USP28: variants seen among roughly 807,000 people sequenced by gnomAD.
USP28 encodes ubiquitin carboxyl-terminal hydrolase 28.
In USP28, 113 loss-of-function variants were observed where a neutral mutation model predicts 145.0. The observed-to-expected ratio is 0.78, with a 90% CI of 0.67 to 0.91. The LOEUF is 0.91. USP28 is among the 40% of genes least tolerant of loss of function. USP28 has a pLI of 0.00. For synonymous variants in USP28, 447 were observed against 450.9 expected, an observed-to-expected ratio of 0.99 and a Z score of 0.11; for missense variants, 1,201 against 1,289.6, an observed-to-expected ratio of 0.93 and a Z score of 1.05.
At chr11:113,817,922 C>G in intron 12 of USP28, 85 bp from the exon 13 acceptor site, 1 of 1,416,020 alleles carries the variant, frequency 7.1e-7, no homozygotes, top group Non-Finnish European at 9.8e-7. Context: ...TTTATCACAG[C>G]AAGTCAATGG....
At chr11:113,840,546 A>G (rs867309158) in intron 5 of USP28, 52 bp downstream of exon 5, 12 of 1,572,360 alleles carry the variant, frequency 7.6e-6, no homozygotes, top group African/African-American at 2.8e-5. Flanking sequence ...TCAGTTTAAT[A>G]AATTACAAAG....
At position 113,866,229 on chromosome 11, in the gene USP28, T is replaced by G. The variant is rs74766967; in HGVS notation, c.57+9216A>C. On this transcript the variant is annotated intron_variant, in intron 1 of 24. Transcript: ENST00000003302. ...ATCACTTGAACCCAGGAGGCAGAGG[T>G]TGCAGTGAGCCGAGATCAGACCACT... Among the ~76,000 whole-genome samples, 169 of 152,074 alleles carry G rather than the reference T, an allele frequency of 1.1e-3. 3 individuals are homozygous for G. The East Asian group carries it at 0.031, about 28-fold the overall frequency.
intron 13 of USP28, among the ~76,000 whole-genome samples, chr11:113,816,691 A>T (rs1941792546): frequency 6.6e-6 from 1 of 152,186 alleles, no homozygotes; most frequent in Admixed American, 6.5e-5. Context: ...CCTCCCTGTA[A>T]TTTTTAAATC....
exon 11 of USP28, chr11:113,827,241 A>G (rs1366876388): frequency 1.2e-6 from 2 of 1,605,466 alleles, no homozygotes; most frequent in South Asian, 2.3e-5. Flanking sequence ...ACCTGTCCAT[A>G]TAAATAATCT....
intron 19 of USP28, among the ~76,000 whole-genome samples, chr11:113,806,244 AT>A (rs1939936742): frequency 6.6e-6 from 1 of 151,782 alleles, no homozygotes; most frequent in Non-Finnish European, 1.5e-5. Flanking sequence ...AGTCCTTTTT[AT>A]TTTTAAAGAG....
At chr11:113,856,453 T>C (rs1191745115) in intron 1 of USP28, among the ~76,000 whole-genome samples, 1 of 152,186 alleles carries the variant, frequency 6.6e-6, no homozygotes, top group African/African-American at 2.4e-5. Flanking sequence ...ACTGCTTACT[T>C]TTAGCCAGGT....
At chr11:113,847,880 G>A (rs1442785074) in intron 3 of USP28, among the ~76,000 whole-genome samples, 2 of 152,174 alleles carry the variant, frequency 1.3e-5, no homozygotes, top group Admixed American at 1.3e-4. Flanking sequence ...CACCCCTTCA[G>A]TGTGGACCCC....
chr11:113,838,680 T>G (rs1944855574), intron 5 of USP28, among the ~76,000 whole-genome samples: 1 of 152,208 alleles, frequency 6.6e-6, no homozygotes, highest in Non-Finnish European at 1.5e-5. Context: ...CTCTGCCCTC[T>G]CCAGCTGAAC....
At chr11:113,818,104 A>T in intron 12 of USP28, 1 of 350,596 alleles carries the variant, frequency 2.9e-6, no homozygotes, top group Non-Finnish European at 5.1e-6. Context: ...ACACTTTCTC[A>T]TGATGTCATA....
intron 1 of USP28, among the ~76,000 whole-genome samples, chr11:113,854,930 G>A (rs1946881685): frequency 6.6e-6 from 1 of 152,042 alleles, no homozygotes; most frequent in African/African-American, 2.4e-5. Flanking sequence ...TTTTCTTTTG[G>A]TAGGCAGTGC....
At chr11:113,810,694 G>T (rs1440222649) in intron 16 of USP28, among the ~76,000 whole-genome samples, 1 of 151,856 alleles carries the variant, frequency 6.6e-6, no homozygotes, top group Non-Finnish European at 1.5e-5. Flanking sequence ...TGTTTTTTTT[G>T]AGACAAAGTC....
chr11:113,798,065 GGTTT>G (rs1938243419), exon 25 of USP28: 1 of 96,976 alleles, frequency 1.0e-5, no homozygotes, highest in African/African-American at 3.6e-5. Flanking sequence ...TATGTATGCT[GGTTT>G]TTTTTTTTTT....
intron 1 of USP28, among the ~76,000 whole-genome samples, chr11:113,872,822 G>C (rs558927834): frequency 6.6e-6 from 1 of 152,156 alleles, no homozygotes; most frequent in Non-Finnish European, 1.5e-5. Flanking sequence ...TAAAATACAG[G>C]AATCTGTCAC....
Position 113,875,429 on chromosome 11 carries a change from C to T in USP28, c.57+16G>A. On this transcript the variant is annotated intron_variant, in intron 1 of 24. Transcript: ENST00000003302. ...GGAGCCCGCCCCCAGCTCCCGCTCG[C>T]CGCCGCGGAGCCCACCGAGCCGTGG... 2 of 1,243,688 alleles carry T rather than the reference C, an allele frequency of 1.6e-6. No individual in the cohort carries two copies. Among genetic ancestry groups the T allele is most frequent in the East Asian group, 3.9e-5 (1 of 25,604 alleles). 77.0% of individuals were successfully genotyped at this position (1,243,688 alleles called of 1,614,324 possible). A position where few individuals can be genotyped will look rare whatever the true frequency, so the allele number is the denominator to read the frequency against.
intron 12 of USP28, among the ~76,000 whole-genome samples, chr11:113,819,196 TCTGCCTCCTGGGTTCAAGCAATTGTC>T (rs1174659908): frequency 1.3e-5 from 2 of 151,450 alleles, no homozygotes; most frequent in East Asian, 3.9e-4. Context: ...TACTGCAACC[TCTGCCTCCTGGGTTCAAGCAATTGTC>T]CTGCCTCAGC....
chr11:113,831,502 GTT>G (rs974395803), intron 8 of USP28, among the ~76,000 whole-genome samples: 1 of 152,062 alleles, frequency 6.6e-6, no homozygotes, highest in Non-Finnish European at 1.5e-5. Flanking sequence ...CGTGCCCTAA[GTT>G]TCACTTCTCT....
At chr11:113,865,667 C>T (rs949430974) in intron 1 of USP28, among the ~76,000 whole-genome samples, 1 of 152,146 alleles carries the variant, frequency 6.6e-6, no homozygotes, top group Non-Finnish European at 1.5e-5. Context: ...CACTGGACCC[C>T]TACCTCACAC....
rs1349370335 is a variant in USP28, at chr11:113,812,260, GCCAAGATA to G, written c.1972+8_1972+15del. ...AGATTTTCCCCAATCTATAGATTCT[GCCAAGATA>G]CTTTTACCTGCATTGAAGTAGGGTA... On this transcript the variant is annotated splice_region_variant and intron_variant, in intron 16 of 24. Transcript: ENST00000003302. 1.9e-6 allele frequency: 3 copies of G among 1,601,510 alleles called. No homozygotes were observed. The highest frequency in any genetic ancestry group is 2.7e-5 in the African/African-American group (2 of 73,014).
At position 113,854,688 on chromosome 11, in the gene USP28, C is replaced by A. The variant is rs568074658; in HGVS notation, c.58-353G>T. Reference sequence around the variant, plus strand: ...GTCCGCTGGGATTACAGGTGTGGGCCAATGCAAACGGCCCTGCATTTTTTT... The same window carrying A: ...GTCCGCTGGGATTACAGGTGTGGGCAAATGCAAACGGCCCTGCATTTTTTT... On this transcript the variant is annotated intron_variant, in intron 1 of 24. Transcript: ENST00000003302. Among the ~76,000 whole-genome samples, 130 of 152,272 alleles carry A rather than the reference C, an allele frequency of 8.5e-4. 1 individual carries two copies. Among genetic ancestry groups the A allele is most frequent in the Admixed American group, 2.2e-3 (33 of 15,290 alleles).
Sources: allele counts gnomAD v4.1 joint callset (sites outside exome capture counted in the v4.1 genomes callset), GRCh38; gene constraint gnomAD v4.1.1; transcripts MANE v1.5; gene names NCBI Gene and HGNC (gene_info 2026-07-23, HGNC 2026-07-21).